Variants in SND1 observed in about 807,000 individuals in gnomAD.
SND1 encodes the protein staphylococcal nuclease domain-containing protein 1.
In SND1, 38 loss-of-function variants were observed where a neutral mutation model predicts 121.7. The ratio of observed to expected loss-of-function variants is 0.31; its 90% CI spans 0.24 to 0.41. The LOEUF (loss-of-function observed/expected upper bound fraction) is 0.41, where lower values mean the gene tolerates loss of function less well. SND1 is among the 10% of genes least tolerant of loss of function. The probability of loss-of-function intolerance (pLI) is 1.00; values close to 1 mark genes in which losing one functional copy is unlikely to be tolerated. For synonymous variants in SND1, 401 were observed against 447.4 expected, an observed-to-expected ratio of 0.90 and a Z score of 1.31; for missense variants, 868 against 1,184.6, an observed-to-expected ratio of 0.73 and a Z score of 3.92.
At chr7:128,082,218 T>C (rs995069271) in intron 18 of SND1, among the ~76,000 whole-genome samples, 2 of 152,230 alleles carry the variant, frequency 1.3e-5, no homozygotes, top group Non-Finnish European at 2.9e-5. Context: ...CCTTTTCTCA[T>C]GGCCACCCTG....
rs373179995 is a variant in SND1, at chr7:128,085,888, G to C, written c.2304+108G>C. On this transcript the variant is annotated intron_variant, in intron 20 of 23. Transcript: ENST00000354725. The surrounding 1 kb of genome is among the most constrained non-coding windows in gnomAD (Gnocchi z 4.4). ...CCTCTGAGCTTACCAATAGAACAAT[G>C]AGCATTGGGGCATCTCTGCTGTGCG... 17 of 942,374 alleles carry C rather than the reference G, an allele frequency of 1.8e-5. No homozygotes were observed. The African/African-American group carries it at 2.4e-4, about 13-fold the overall frequency. 58.4% of individuals were successfully genotyped at this position (942,374 alleles called of 1,614,324 possible). A position where few individuals can be genotyped will look rare whatever the true frequency, so the allele number is the denominator to read the frequency against.
rs893410580 is a variant in SND1 at position 128,074,537 on chromosome 7, C to G, written c.1815C>G (p.Gly605=). 1.9e-6 allele frequency: 3 copies of G among 1,613,510 alleles called. No homozygotes were observed. Among genetic ancestry groups the G allele is most frequent in the East Asian group, 2.2e-5 (1 of 44,872 alleles). The change falls in exon 17 of 24, where the codon GGC becomes GGG. Residue 605 remains glycine, a synonymous_variant. Transcript: ENST00000354725. ...EVEVESMDKA[G]NFIGWLHIDG... is the part of the protein sequence containing the mutation. ...AGGTGGAGAGCATGGACAAGGCCGGCAACTTTATCGGCTGGCTGCACATCG... is the reference window on the plus strand; with the variant it reads ...AGGTGGAGAGCATGGACAAGGCCGGGAACTTTATCGGCTGGCTGCACATCG...
intron 14 of SND1, among the ~76,000 whole-genome samples, chr7:127,911,703 T>TGTTGGTCAG (rs1800458984): frequency 6.6e-6 from 1 of 152,186 alleles, no homozygotes; most frequent in Non-Finnish European, 1.5e-5. Flanking sequence ...GGTTTCACCA[T>TGTTGGTCAG]GTTGGTCAGG....
chr7:128,060,275 C>T (rs1272620146), intron 16 of SND1, among the ~76,000 whole-genome samples: 7 of 152,038 alleles, frequency 4.6e-5, no homozygotes, highest in East Asian at 1.9e-4. Flanking sequence ...ATCATGATAT[C>T]AGGGACTGGC....
At chr7:127,673,914 C>T (rs535667134) in intron 1 of SND1, among the ~76,000 whole-genome samples, 8 of 152,216 alleles carry the variant, frequency 5.3e-5, no homozygotes, top group African/African-American at 4.8e-5. Flanking sequence ...CTTTCCCTGC[C>T]GCAACCCTGG....
At chr7:127,722,439 C>T (rs1006944703) in intron 10 of SND1, among the ~76,000 whole-genome samples, 8 of 151,936 alleles carry the variant, frequency 5.3e-5, no homozygotes, top group African/African-American at 1.7e-4. Context: ...CTGTCTCAGC[C>T]TCCTGAGTAG....
intron 16 of SND1, among the ~76,000 whole-genome samples, chr7:128,070,073 G>A (rs1793382362): frequency 6.6e-6 from 1 of 152,218 alleles, no homozygotes; most frequent in South Asian, 2.1e-4. Context: ...GACCAGCAGG[G>A]CTGCAAGTGA....
At chr7:127,990,217 ATC>A (rs759202975) in intron 15 of SND1, among the ~76,000 whole-genome samples, 29 of 152,300 alleles carry the variant, frequency 1.9e-4, no homozygotes, top group Non-Finnish European at 3.5e-4. Context: ...ATATTATAAT[ATC>A]TGTTTTATAA....
At position 127,703,144 on chromosome 7, in the gene SND1, C is replaced by T. The variant is rs1405626191; in HGVS notation, c.682-21C>T. On this transcript the variant is annotated intron_variant, in intron 6 of 23. Coordinates refer to ENST00000354725, the MANE Select transcript of SND1 (RefSeq NM_014390.4). Reference sequence around the variant, plus strand: ...ACTCACATTTAGGCTGCATTACTCACCTACCTTGCCTTTGCTTTAGTGCCC... The same window carrying T: ...ACTCACATTTAGGCTGCATTACTCATCTACCTTGCCTTTGCTTTAGTGCCC... 3 of 1,613,950 alleles carry T rather than the reference C, an allele frequency of 1.9e-6. No individual in the cohort carries two copies. The South Asian group carries it at 3.3e-5, about 18-fold the overall frequency.
intron 16 of SND1, among the ~76,000 whole-genome samples, chr7:128,063,052 G>A (rs1562886737): frequency 6.6e-6 from 1 of 152,122 alleles, no homozygotes; most frequent in Non-Finnish European, 1.5e-5. Flanking sequence ...TGGGCTCCGG[G>A]GGTCCAGGCT....
chr7:127,762,059 ATTTTC>A (rs1032505572), intron 10 of SND1, among the ~76,000 whole-genome samples: 2 of 152,068 alleles, frequency 1.3e-5, no homozygotes, highest in African/African-American at 4.8e-5. Context: ...AGAGATCTAG[ATTTTC>A]TTCCTTGATC....
At chr7:127,980,775 A>G (rs1381895109) in intron 15 of SND1, among the ~76,000 whole-genome samples, 1 of 152,214 alleles carries the variant, frequency 6.6e-6, no homozygotes, top group Non-Finnish European at 1.5e-5. Flanking sequence ...TTTGGCTGCC[A>G]GGTGTGTGCC....
chr7:127,994,719 TTTGA>T (rs757969689), intron 16 of SND1, among the ~76,000 whole-genome samples: 1 of 152,050 alleles, frequency 6.6e-6, no homozygotes, highest in Non-Finnish European at 1.5e-5. Flanking sequence ...TTTCTTGTTG[TTTGA>T]TTGTTTGAAA....
intron 15 of SND1, among the ~76,000 whole-genome samples, chr7:127,937,794 G>T (rs1410194843): frequency 1.3e-5 from 2 of 152,174 alleles, no homozygotes; most frequent in East Asian, 3.8e-4. Context: ...TCATCTCCTG[G>T]TCCCAGGAAT....
rs565055552 is a variant in SND1 at position 128,045,838 on chromosome 7, T to G, written c.1780-28664T>G. On this transcript the variant is annotated intron_variant, in intron 16 of 23. Coordinates refer to ENST00000354725, the MANE Select transcript of SND1 (RefSeq NM_014390.4). Reference sequence around the variant, plus strand: ...GGCTGCAAGATGATTGCCATAGCTCTAGGCATTGCATGCTCATACACCAAT... The same window carrying G: ...GGCTGCAAGATGATTGCCATAGCTCGAGGCATTGCATGCTCATACACCAAT... Among the ~76,000 whole-genome samples, 171 of 152,302 alleles carry G rather than the reference T, an allele frequency of 1.1e-3. 1 individual carries two copies. The highest frequency in any genetic ancestry group is 1.5e-3 in the Non-Finnish European group (100 of 68,010).
At chr7:127,934,016 AAAGTT>A (rs1379793668) in intron 15 of SND1, among the ~76,000 whole-genome samples, 1 of 152,238 alleles carries the variant, frequency 6.6e-6, no homozygotes, top group Admixed American at 6.5e-5. Flanking sequence ...AACAAAATGT[AAAGTT>A]GAGTACTAGA....
At chr7:127,828,801 C>A (rs571240657) in intron 11 of SND1, among the ~76,000 whole-genome samples, 3 of 152,292 alleles carry the variant, frequency 2.0e-5, no homozygotes, top group African/African-American at 7.2e-5. Context: ...TGACTTATCT[C>A]CTGGGCTAAA....
chr7:127,758,298 G>A (rs1333181382), intron 10 of SND1, among the ~76,000 whole-genome samples: 1 of 152,162 alleles, frequency 6.6e-6, no homozygotes, highest in Admixed American at 6.5e-5. Context: ...TACCAGACAT[G>A]GTATTGTTGA....
At chr7:127,656,229 A>G (rs1454776969) in intron 1 of SND1, among the ~76,000 whole-genome samples, 1 of 152,016 alleles carries the variant, frequency 6.6e-6, no homozygotes, top group Non-Finnish European at 1.5e-5. Flanking sequence ...TGATTCCTTC[A>G]GTGTACAGCC....
Sources: gnomAD v4.1 joint callset for allele counts (sites outside exome capture counted in the v4.1 genomes callset) on GRCh38, gnomAD v4.1.1 for gene constraint, Gnocchi (gnomAD v3.1) non-coding constraint, MANE v1.5 for transcripts, NCBI Gene and HGNC (gene_info 2026-07-23, HGNC 2026-07-21) for gene names.